Variants in ERICH1 observed in about 807,000 individuals in gnomAD.
ERICH1 encodes glutamate rich 1, also known as glutamate-rich protein 1.
A neutral mutation model predicts 39.6 loss-of-function variants in ERICH1; 56 were observed. The ratio of observed to expected loss-of-function variants is 1.41; its 90% CI spans 1.14 to 1.77. The LOEUF (loss-of-function observed/expected upper bound fraction) is 1.77, where lower values mean the gene tolerates loss of function less well. Ranked by LOEUF, ERICH1 falls within the 40% of genes most tolerant of loss-of-function variation. The probability of loss-of-function intolerance (pLI) is 0.00; values close to 1 mark genes in which losing one functional copy is unlikely to be tolerated. For synonymous variants in ERICH1, 313 were observed against 223.6 expected, an observed-to-expected ratio of 1.40 and a Z score of -3.57; for missense variants, 826 against 575.4, an observed-to-expected ratio of 1.44 and a Z score of -4.45.
chr8:664,535 G>A lies in ERICH1; in HGVS notation c.*68C>T. On this transcript the variant is annotated 3_prime_UTR_variant, in exon 6 of 6. Transcript: ENST00000262109. ...CAAGTTCCCAGAGAACTAACTCTAAGCCCATCTCACATTTGTCTTTTAAGT... is the reference window on the plus strand; with the variant it reads ...CAAGTTCCCAGAGAACTAACTCTAAACCCATCTCACATTTGTCTTTTAAGT... 1.9e-6 allele frequency: 3 copies of A among 1,557,576 alleles called. No homozygotes were observed. Among genetic ancestry groups the A allele is most frequent in the Non-Finnish European group, 2.6e-6 (3 of 1,153,400 alleles).
chr8:713,499 C>A lies in ERICH1; in HGVS notation c.169+2362G>T, dbSNP rs556672118. On this transcript the variant is annotated intron_variant, in intron 2 of 5. Coordinates refer to ENST00000262109, the MANE Select transcript of ERICH1 (RefSeq NM_207332.3). ...TGGGAAAAGCATGCTTAGTGTAACC[C>A]CGTATCTAGGAGACGTGAAGGGAAC... 7.9e-5 allele frequency among the ~76,000 whole-genome samples: 12 copies of A among 152,262 alleles called. No individual in the cohort carries two copies. In the South Asian group the frequency reaches 8.3e-4, roughly 11 times the overall value.
chr8:622,362 G>A (rs906245961), intron 3 of ERICH1, among the ~76,000 whole-genome samples: 1 of 152,152 alleles, frequency 6.6e-6, no homozygotes, highest in Non-Finnish European at 1.5e-5. Context: ...AGGTCATGAG[G>A]GCCCTGTGAA....
At chr8:638,174 G>A (rs535277216) in intron 3 of ERICH1, among the ~76,000 whole-genome samples, 22 of 152,382 alleles carry the variant, frequency 1.4e-4, no homozygotes, top group African/African-American at 2.4e-4. Context: ...CTCCTACCAC[G>A]TGTGGGGCGC....
At chr8:669,738 A>C (rs1028814050) in intron 4 of ERICH1, among the ~76,000 whole-genome samples, 1 of 152,264 alleles carries the variant, frequency 6.6e-6, no homozygotes, top group African/African-American at 2.4e-5. Context: ...AAAAAGAATC[A>C]GACTGTGGCT....
intron 5 of ERICH1, 89 bp from the exon 6 acceptor site, chr8:664,765 C>G: frequency 1.5e-5 from 16 of 1,077,864 alleles, no homozygotes; most frequent in Non-Finnish European, 2.1e-5. Flanking sequence ...AGCCTTTGGG[C>G]CCAAAGTGAA....
downstream of ERICH1, among the ~76,000 whole-genome samples, chr8:661,680 C>T (rs1585101030): frequency 6.6e-6 from 1 of 152,286 alleles, no homozygotes; most frequent in African/African-American, 2.4e-5. Flanking sequence ...ATATTAGAGA[C>T]AAGATTTATT....
At chr8:658,753 C>T (rs1399901159) in intron 3 of ERICH1, among the ~76,000 whole-genome samples, 4 of 152,172 alleles carry the variant, frequency 2.6e-5, no homozygotes, top group African/African-American at 7.2e-5. Context: ...GAGAAGGTGT[C>T]GTCCACAGCC....
chr8:682,030 C>G (rs1806243345), intron 3 of ERICH1, among the ~76,000 whole-genome samples: 1 of 151,358 alleles, frequency 6.6e-6, no homozygotes, highest in Non-Finnish European at 1.5e-5. Flanking sequence ...AGTTTTCCAT[C>G]CACCCCCACC....
At chr8:652,698 G>T (rs1467174581) in intron 3 of ERICH1, among the ~76,000 whole-genome samples, 3 of 152,188 alleles carry the variant, frequency 2.0e-5, no homozygotes, top group Admixed American at 2.0e-4. Flanking sequence ...GAGAATTTAA[G>T]CTACTTGGAG....
rs543028477 is a variant in ERICH1, at chr8:648,361, A to C, written c.976+20237T>G. Among the ~76,000 whole-genome samples, 5 of 66,814 alleles carry C rather than the reference A, an allele frequency of 7.5e-5. 1 individual carries two copies. The East Asian group carries it at 1.5e-3, about 20-fold the overall frequency. 43.8% of individuals were successfully genotyped at this position (66,814 alleles called of 152,430 possible). On this transcript the variant is annotated intron_variant, in intron 3 of 3. Transcript: ENST00000522706. Reference sequence around the variant, plus strand: ...TGGAAACGACTCAAATCCACACATCAGGCCCACGGCAAGGATGCTGACTCC... The same window carrying C: ...TGGAAACGACTCAAATCCACACATCCGGCCCACGGCAAGGATGCTGACTCC...
At chr8:664,077 C>T (rs763845495), downstream of ERICH1, 2 of 283,794 alleles carry the variant, frequency 7.0e-6, no homozygotes, top group Non-Finnish European at 1.1e-5. Context: ...GCTTTTAACA[C>T]TTAGTAATAC....
chr8:723,479 C>A (rs1435251801), intron 1 of ERICH1, among the ~76,000 whole-genome samples: 1 of 152,172 alleles, frequency 6.6e-6, no homozygotes, highest in African/African-American at 2.4e-5. Context: ...CTTGGAGGTG[C>A]TTGCTCCCTG....
At chr8:718,342 G>T (rs1816514026) in intron 1 of ERICH1, among the ~76,000 whole-genome samples, 1 of 152,094 alleles carries the variant, frequency 6.6e-6, no homozygotes, top group East Asian at 1.9e-4. Flanking sequence ...AGATTTCGGA[G>T]CTAAAAGCGA....
intron 3 of ERICH1, among the ~76,000 whole-genome samples, chr8:638,922 C>T (rs932699867): frequency 6.6e-6 from 1 of 152,146 alleles, no homozygotes; most frequent in Non-Finnish European, 1.5e-5. Context: ...ACTTGGTTCC[C>T]TCCTGACAAG....
chr8:673,926 C>G lies in ERICH1; in HGVS notation c.426G>C (p.Leu142=). 1.2e-6 allele frequency: 2 copies of G among 1,613,098 alleles called. No individual in the cohort carries two copies. The highest frequency in any genetic ancestry group is 1.7e-5 in the Admixed American group (1 of 59,932). ...EQAELEKQQS[L]LQEKSQRQHT... is the part of the protein sequence containing the mutation. ...GCTGTCGCTGAGATTTCTCCTGTAA[C>G]AGACTCTGCTGTTTCTCTAATTCTG... The change falls in exon 4 of 6, where the codon CTG becomes CTC. Residue 142 remains leucine, a synonymous_variant. Coordinates refer to ENST00000262109, the MANE Select transcript of ERICH1 (RefSeq NM_207332.3).
chr8:722,764 C>T (rs1449532393), intron 1 of ERICH1, among the ~76,000 whole-genome samples: 4 of 152,134 alleles, frequency 2.6e-5, no homozygotes, highest in Non-Finnish European at 4.4e-5. Flanking sequence ...AGAGAAAATA[C>T]GTGTACAGCT....
chr8:668,064 T>C (rs1258868927), intron 5 of ERICH1: 1 of 177,934 alleles, frequency 5.6e-6, no homozygotes, highest in Non-Finnish European at 1.2e-5. Context: ...ATTTTCAGCA[T>C]TTGCAGGTTT....
At chr8:623,472 T>C (rs922564806) in intron 3 of ERICH1, among the ~76,000 whole-genome samples, 1 of 152,238 alleles carries the variant, frequency 6.6e-6, no homozygotes, top group Admixed American at 6.5e-5. Flanking sequence ...TAGTCTTCTA[T>C]TTTTTAATTT....
chr8:683,744 T>A (rs1358086033), intron 3 of ERICH1, among the ~76,000 whole-genome samples: 3 of 152,214 alleles, frequency 2.0e-5, no homozygotes, highest in Non-Finnish European at 4.4e-5. Flanking sequence ...GATTTTGAAT[T>A]TGGATGCCGG....
Sources: gnomAD v4.1 joint callset for allele counts (sites outside exome capture counted in the v4.1 genomes callset) on GRCh38, gnomAD v4.1.1 for gene constraint, MANE v1.5 for transcripts, NCBI Gene and HGNC (gene_info 2026-07-23, HGNC 2026-07-21) for gene names.